The following OR8G5 variants were observed in gnomAD, a reference collection of about 807,000 sequenced individuals.
The protein encoded by OR8G5 is olfactory receptor family 8 subfamily G member 5, also known as olfactory receptor 8G5.
For synonymous variants in OR8G5, 147 were observed against 147.7 expected (o/e 1.00, Z 0.03); for missense variants, 347 against 371.9 (o/e 0.93, Z 0.55).
chr11:124,260,926 A>C (rs929010449), intron 1 of OR8G5, among the ~76,000 whole-genome samples: 1 of 151,942 alleles, frequency 6.6e-6, no homozygotes, highest in Non-Finnish European at 1.5e-5. Context: ...TATTCCTTCT[A>C]TCTAACTGTA....
chr11:124,265,487 A>G lies in OR8G5; in HGVS notation c.556A>G (p.Lys186Glu). 1 of 1,613,932 alleles carries G rather than the reference A, an allele frequency of 6.2e-7. No homozygotes were observed. The highest frequency in any genetic ancestry group is 8.5e-7 in the Non-Finnish European group (1 of 1,179,874). The change falls in exon 2 of 2, where the codon AAG (lysine) becomes GAG (glutamate). Residue 186 changes from lysine (K) to glutamate (E), a missense_variant. Coordinates refer to ENST00000641992, the MANE Select transcript of OR8G5 (RefSeq NM_001005198.2). ...TTTCTGTGATCTTATTTCTATCTTGAAGCTCTCCTGTTCTAGTACTTACAT... is the reference window on the plus strand; with the variant it reads ...TTTCTGTGATCTTATTTCTATCTTGGAGCTCTCCTGTTCTAGTACTTACAT... Reference protein sequence around the residue: ...HYFCDLISILKLSCSSTYINE... With the variant: ...HYFCDLISILELSCSSTYINE...
chr11:124,258,475 T>C (rs1189980366), intron 1 of OR8G5, among the ~76,000 whole-genome samples: 1 of 151,944 alleles, frequency 6.6e-6, no homozygotes, highest in African/African-American at 2.4e-5. Context: ...GGAGAATTGC[T>C]TGAACCCAGG....
intron 1 of OR8G5, among the ~76,000 whole-genome samples, chr11:124,262,451 G>A (rs2512177): frequency 0.48 from 73,073 of 151,500 alleles, 18,386 homozygotes; most frequent in East Asian, 0.58. Flanking sequence ...CTGAATATAT[G>A]ATATCTATTA....
At chr11:124,261,062 A>G (rs1029113662) in intron 1 of OR8G5, among the ~76,000 whole-genome samples, 1 of 151,844 alleles carries the variant, frequency 6.6e-6, no homozygotes, top group African/African-American at 2.4e-5. Context: ...CGTATGAGTA[A>G]GAATATAAAA....
At chr11:124,259,942 C>T (rs1396623908) in intron 1 of OR8G5, among the ~76,000 whole-genome samples, 1 of 151,994 alleles carries the variant, frequency 6.6e-6, no homozygotes, top group Non-Finnish European at 1.5e-5. Context: ...TTCTAGAAAG[C>T]AAGGCATTTA....
chr11:124,266,084 A>T lies in OR8G5; in HGVS notation c.*217A>T. On this transcript the variant is annotated 3_prime_UTR_variant, in exon 2 of 2. Transcript: ENST00000641992. ...GAAGACATGATATTTTCTTAGAAGA[A>T]ATAATAAGATTGACATAGTGAAATA... The T allele has an allele frequency of 1.7e-6, 1 of 576,870 alleles. No individual in the cohort carries two copies. The highest frequency in any genetic ancestry group is 2.8e-6 in the Non-Finnish European group (1 of 351,392). The allele number at this position is 576,870 out of a possible 1,614,324, so 35.7% of individuals were successfully genotyped here.
intron 1 of OR8G5, among the ~76,000 whole-genome samples, chr11:124,258,208 C>T (rs1861930717): frequency 6.6e-6 from 1 of 152,020 alleles, no homozygotes; most frequent in Non-Finnish European, 1.5e-5. Context: ...TAAATATTTT[C>T]CAAGCTCTTC....
chr11:124,263,459 T>C (rs1488311427), intron 1 of OR8G5, among the ~76,000 whole-genome samples: 1 of 151,226 alleles, frequency 6.6e-6, no homozygotes, highest in African/African-American at 2.4e-5. Flanking sequence ...TAACTTGTCA[T>C]TTAACATTAG....
chr11:124,263,151 T>C (rs1375139370), intron 1 of OR8G5, among the ~76,000 whole-genome samples: 3 of 152,168 alleles, frequency 2.0e-5, no homozygotes, highest in Non-Finnish European at 4.4e-5. Flanking sequence ...GATATTTCAC[T>C]AGTAGTTAAT....
chr11:124,263,581 G>T (rs1198738894), intron 1 of OR8G5, among the ~76,000 whole-genome samples: 2 of 142,646 alleles, frequency 1.4e-5, no homozygotes, highest in African/African-American at 5.2e-5. Context: ...TCCCACCTAT[G>T]AGTGAGAACA....
chr11:124,261,672 T>A (rs1373911792), intron 1 of OR8G5, among the ~76,000 whole-genome samples: 1 of 151,890 alleles, frequency 6.6e-6, no homozygotes, highest in East Asian at 1.9e-4. Flanking sequence ...ACAACATAAT[T>A]AGTGAAGTGA....
intron 1 of OR8G5, 160 bp from the exon 2 acceptor site, chr11:124,264,758 C>G (rs1862010577): frequency 1.2e-6 from 1 of 815,398 alleles, no homozygotes; most frequent in African/African-American, 1.7e-5. Context: ...ATACCAGTTA[C>G]TAGAAAATAA....
intron 1 of OR8G5, among the ~76,000 whole-genome samples, chr11:124,257,600 C>T (rs1861926143): frequency 6.6e-6 from 1 of 152,058 alleles, no homozygotes; most frequent in African/African-American, 2.4e-5. Context: ...CAGATAAAGT[C>T]CCCCAGGTAA....
chr11:124,260,126 T>G (rs2466673), intron 1 of OR8G5, among the ~76,000 whole-genome samples: 74,038 of 151,692 alleles, frequency 0.49, 18,693 homozygotes, highest in East Asian at 0.58. Context: ...AACAGCAGTA[T>G]CTAAATATTC....
chr11:124,264,897 T>A, intron 1 of OR8G5, 21 bp from the exon 2 acceptor site: 6 of 1,611,872 alleles, frequency 3.7e-6, no homozygotes, highest in Non-Finnish European at 5.1e-6. Flanking sequence ...CTAAATACCA[T>A]GTTTTTTCTC....
At chr11:124,259,900 A>C (rs755252333) in intron 1 of OR8G5, among the ~76,000 whole-genome samples, 9 of 152,128 alleles carry the variant, frequency 5.9e-5, no homozygotes, top group Non-Finnish European at 1.0e-4. Flanking sequence ...TATTAGTGTT[A>C]ATATAAAATT....
intron 1 of OR8G5, among the ~76,000 whole-genome samples, chr11:124,264,511 A>G (rs1292437885): frequency 6.6e-6 from 1 of 152,214 alleles, no homozygotes; most frequent in Non-Finnish European, 1.5e-5. Flanking sequence ...ATTTCTGTTC[A>G]TCCCTGACAG....
chr11:124,265,213 C>A lies in OR8G5; in HGVS notation c.282C>A (p.Tyr94Ter), dbSNP rs768218393. 5.0e-6 allele frequency: 8 copies of A among 1,613,964 alleles called. No individual in the cohort carries two copies. The East Asian group carries it at 1.6e-4, about 31-fold the overall frequency. The change falls in exon 2 of 2, where the codon TAC (tyrosine) becomes TAA (stop). Residue 94 changes from tyrosine (Y) to a stop codon, truncating the protein, a stop_gained. Transcript: ENST00000641992. LOFTEE classifies it low-confidence loss of function (END_TRUNC). ...TGACAGAGAAGAACATCATCTCCTA[C>A]CCTGAATGCATGACTCAGCTCTACT... ...NFVTEKNIIS[Y>*]PECMTQLYFF...
At chr11:124,257,492 T>G (rs911268746) in intron 1 of OR8G5, among the ~76,000 whole-genome samples, 3 of 152,140 alleles carry the variant, frequency 2.0e-5, no homozygotes, top group Non-Finnish European at 4.4e-5. Flanking sequence ...GAGGTAGACA[T>G]TATTTTGTAA....
Sources: allele counts gnomAD v4.1 joint callset (sites outside exome capture counted in the v4.1 genomes callset), GRCh38; gene constraint gnomAD v4.1.1; transcripts MANE v1.5; gene names NCBI Gene and HGNC (gene_info 2026-07-23, HGNC 2026-07-21).